DST: variants seen among roughly 807,000 people sequenced by gnomAD.
The protein encoded by DST is dystonin.
Under a neutral mutation model 875.2 loss-of-function variants are expected in DST, and 253 were observed. The ratio of observed to expected loss-of-function variants is 0.29; its 90% CI spans 0.26 to 0.32. The LOEUF (loss-of-function observed/expected upper bound fraction) is 0.32, where lower values mean the gene tolerates loss of function less well. Among genes scored for constraint, DST ranks in the 10% least tolerant of loss-of-function variants. The pLI is 1.00. For synonymous variants in DST, 3,124 were observed against 3,197.1 expected, an observed-to-expected ratio of 0.98 and a Z score of 0.77; for missense variants, 8,287 against 9,111.6, an observed-to-expected ratio of 0.91 and a Z score of 3.68.
intron 85 of DST, among the ~76,000 whole-genome samples, chr6:56,490,196 C>T (rs941125489): frequency 1.3e-5 from 2 of 152,136 alleles, no homozygotes; most frequent in African/African-American, 2.4e-5. Context: ...CTGTGCCTCA[C>T]ATATTGGTTT....
chr6:56,617,264 G>T (rs1586761713), intron 36 of DST: 2 of 1,611,334 alleles, frequency 1.2e-6, no homozygotes, highest in Admixed American at 3.4e-5. Context: ...GAAGGTCTCT[G>T]GTTCTAAGCC....
At chr6:56,939,959 G>T (rs1365464821) in intron 2 of DST, among the ~76,000 whole-genome samples, 1 of 151,918 alleles carries the variant, frequency 6.6e-6, no homozygotes, top group Non-Finnish European at 1.5e-5. Context: ...CAGGGAGGTG[G>T]AGGTTGCAGT....
intron 15 of DST, 121 bp downstream of exon 15, chr6:56,645,745 C>T: frequency 1.7e-6 from 2 of 1,183,960 alleles, no homozygotes; most frequent in Non-Finnish European, 1.2e-6. Flanking sequence ...AATGGAGGAT[C>T]AAAAGGATTA....
chr6:56,929,400 T>C (rs1468518249), intron 2 of DST, among the ~76,000 whole-genome samples: 2 of 152,164 alleles, frequency 1.3e-5, no homozygotes, highest in Non-Finnish European at 2.9e-5. Context: ...TATTTCTCTA[T>C]GGAAAGCTCT....
Position 56,953,779 on chromosome 6 carries a change from A to C in DST, c.216+6T>G, listed in dbSNP as rs1470771136. The C allele has an allele frequency of 7.6e-7, 1 of 1,315,058 alleles. No individual in the cohort carries two copies. The highest frequency in any genetic ancestry group is 1.5e-5 in the African/African-American group (1 of 66,344). 81.5% of individuals were successfully genotyped at this position (1,315,058 alleles called of 1,614,324 possible). On this transcript the variant is annotated splice_donor_region_variant and intron_variant, in intron 2 of 103. Coordinates refer to ENST00000680361, the MANE Select transcript of DST (RefSeq NM_001374736.1). Reference sequence around the variant, plus strand: ...TGACCTTGAGCGTGCGCGCTAAATAAATTACCTCAGAACGAAAGTGGTGCG... The same window carrying C: ...TGACCTTGAGCGTGCGCGCTAAATACATTACCTCAGAACGAAAGTGGTGCG...
In DST at chr6:56,606,816, T is replaced by C. The variant is rs1446308593; in HGVS notation, c.7812A>G (p.Thr2604=). 1.9e-6 allele frequency: 3 copies of C among 1,613,186 alleles called. No individual in the cohort carries two copies. Among genetic ancestry groups the C allele is most frequent in the Non-Finnish European group, 2.5e-6 (3 of 1,179,592 alleles). Residue 2604 remains threonine (T), a synonymous_variant, in exon 40 of 104, where the codon ACA becomes ACG. Coordinates refer to ENST00000680361, the MANE Select transcript of DST (RefSeq NM_001374736.1). ...LLNDQQNNTG[T]DTDSDDDFYD... ...AAAAATCATCATCACTATCAGTGTC[T>C]GTTCCTGTGTTATTCTGCTGATCAT...
At chr6:56,710,661 TACAC>T in intron 5 of DST, among the ~76,000 whole-genome samples, 1 of 152,276 alleles carries the variant, frequency 6.6e-6, no homozygotes. Flanking sequence ...GCTTTTAAAA[TACAC>T]ACAAAAAATG....
intron 4 of DST, among the ~76,000 whole-genome samples, chr6:56,792,716 AC>A (rs1301377079): frequency 6.6e-6 from 1 of 152,198 alleles, no homozygotes; most frequent in Non-Finnish European, 1.5e-5. Context: ...AAATGTTCTA[AC>A]CTGAATCCAA....
At chr6:56,647,328 A>G (rs1286237153) in intron 13 of DST, among the ~76,000 whole-genome samples, 3 of 152,184 alleles carry the variant, frequency 2.0e-5, no homozygotes, top group South Asian at 4.1e-4. Flanking sequence ...GGGAAACATC[A>G]CACAAACAGC....
intron 4 of DST, among the ~76,000 whole-genome samples, chr6:56,771,376 C>T (rs1037430786): frequency 8.5e-5 from 13 of 152,054 alleles, no homozygotes; most frequent in Admixed American, 7.9e-4. Context: ...AGCAGTTGTC[C>T]AACTGACATT....
At chr6:56,487,871 A>C (rs2095616154) in intron 86 of DST, among the ~76,000 whole-genome samples, 1 of 152,202 alleles carries the variant, frequency 6.6e-6, no homozygotes, top group Admixed American at 6.5e-5. Context: ...TATAATGGAA[A>C]CATTAATACA....
chr6:56,610,549 C>A lies in DST; in HGVS notation c.5161G>T (p.Glu1721Ter). 1 of 1,573,804 alleles carries A rather than the reference C, an allele frequency of 6.4e-7. No individual in the cohort carries two copies. The highest frequency in any genetic ancestry group is 8.6e-7 in the Non-Finnish European group (1 of 1,161,488). The change falls in exon 39 of 104, where the codon GAA becomes TAA. Residue 1721 changes from glutamate to a stop codon, truncating the protein, a stop_gained. Coordinates refer to ENST00000680361, the MANE Select transcript of DST (RefSeq NM_001374736.1). LOFTEE classifies it high-confidence loss of function. ...ACTTGTTTTTCCAATTCATTTCTTT[C>A]TTCATCTGTCATTCTAAATAACCAG... is the stretch of plus-strand genomic sequence containing the variant. ...AKHGDKMTDE[E>*]RNELEKQVKT... is the part of the protein sequence containing the mutation.
rs3031114 is a variant in DST, at chr6:56,938,108, C to CTATA, written c.216+15673_216+15676dup. Among the ~76,000 whole-genome samples the CTATA allele has an allele frequency of 4.6e-3, 556 of 120,726 alleles. 8 individuals are homozygous for CTATA. Among genetic ancestry groups the CTATA allele is most frequent in the African/African-American group, 0.018 (521 of 28,590 alleles). The allele number at this position is 120,726 out of a possible 152,430, so 79.2% of individuals were successfully genotyped here. On this transcript the variant is annotated intron_variant, in intron 2 of 103. Coordinates refer to ENST00000680361, the MANE Select transcript of DST (RefSeq NM_001374736.1). The stretch of plus-strand genomic sequence containing the variant: ...TCTCTCTCTCTCTCTCTCTCTCTCT[C>CTATA]TATATATATATATATATATATATGT...
intron 92 of DST, among the ~76,000 whole-genome samples, chr6:56,475,847 C>A (rs1379760326): frequency 6.6e-6 from 1 of 152,030 alleles, no homozygotes; most frequent in Non-Finnish European, 1.5e-5. Context: ...AGGATAACAC[C>A]TAAGGAGTAA....
At chr6:56,936,258 T>C (rs1185214361) in intron 2 of DST, among the ~76,000 whole-genome samples, 2 of 152,216 alleles carry the variant, frequency 1.3e-5, no homozygotes, top group African/African-American at 4.8e-5. Flanking sequence ...ATGTCTCTCA[T>C]TGAACGCAGC....
At chr6:56,837,642 T>C (rs1184144911) in intron 4 of DST, among the ~76,000 whole-genome samples, 7 of 152,190 alleles carry the variant, frequency 4.6e-5, no homozygotes, top group Non-Finnish European at 1.0e-4. Context: ...TCCATCTTCC[T>C]ACAAATTCTA....
chr6:56,557,291 G>A lies in DST; in HGVS notation c.14640+28C>T, dbSNP rs368615546. The A allele has an allele frequency of 7.0e-4, 1,120 of 1,591,468 alleles. 10 individuals carry two copies. The highest frequency in any genetic ancestry group is 6.6e-4 in the Middle Eastern group (4 of 6,016). On this transcript the variant is annotated intron_variant, in intron 59 of 103. Coordinates refer to ENST00000680361, the MANE Select transcript of DST (RefSeq NM_001374736.1). ...CTCAGTAAGTCAAATTGCTATGCAC[G>A]AGAGACAGGTTATTAGGTAATACTC...
rs550550206 is a variant in DST, at chr6:56,509,790, C to A, written c.18864G>T (p.Glu6288Asp). The change falls in exon 74 of 104, where the codon GAG becomes GAT. Residue 6288 changes from glutamate (E) to aspartate (D), a missense_variant. Coordinates refer to ENST00000680361, the MANE Select transcript of DST (RefSeq NM_001374736.1). ...TGATCTGTTCCTTGATCTTCTCAAC[C>A]TCTGCAGAGATAGAGGGTGGCTGCC... is the stretch of plus-strand genomic sequence containing the variant. ...RLRQPPSISA[E>D]VEKIKEQISE... The A allele has an allele frequency of 1.2e-6, 2 of 1,613,594 alleles. No individual in the cohort carries two copies. The highest frequency in any genetic ancestry group is 2.7e-5 in the African/African-American group (2 of 74,856).
intron 5 of DST, among the ~76,000 whole-genome samples, chr6:56,726,735 C>T (rs2099460992): frequency 1.3e-5 from 2 of 152,126 alleles, no homozygotes; most frequent in Admixed American, 1.3e-4. Context: ...TCACTCCTAC[C>T]AAAGCAAGCC....
Sources: allele counts gnomAD v4.1 joint callset (sites outside exome capture counted in the v4.1 genomes callset), GRCh38; gene constraint gnomAD v4.1.1; transcripts MANE v1.5; gene names NCBI Gene and HGNC (gene_info 2026-07-23, HGNC 2026-07-21).